Variants in ARMCX4 observed in about 807,000 individuals in gnomAD.
ARMCX4 encodes the protein armadillo repeat-containing X-linked protein 4.
In ARMCX4, 3 loss-of-function variants were observed where a neutral mutation model predicts 34.7. The ratio of observed to expected loss-of-function variants is 0.09; its 90% CI spans 0.04 to 0.22. The LOEUF (loss-of-function observed/expected upper bound fraction) is 0.22, where lower values mean the gene tolerates loss of function less well. Ranked by LOEUF, ARMCX4 falls within the 10% of genes least tolerant of loss-of-function variation. ARMCX4 has a pLI of 1.00. For synonymous variants in ARMCX4, 513 were observed against 632.8 expected, an observed-to-expected ratio of 0.81 and a Z score of 2.84; for missense variants, 1,448 against 1,720.8, an observed-to-expected ratio of 0.84 and a Z score of 2.81.
At position 101,487,687 on chromosome X, in the gene ARMCX4, G is replaced by T. The variant is rs1556007217; in HGVS notation, c.-207G>T. On this transcript the variant is annotated 5_prime_UTR_variant, in exon 4 of 6. Coordinates refer to ENST00000423738, the MANE Select transcript of ARMCX4 (RefSeq NM_001256155.3). ...GAGGAGATTGCTCCTGATCAGTATAGACTGGTAAGAGTGTGGGGACTGCCT... is the reference window on the plus strand; with the variant it reads ...GAGGAGATTGCTCCTGATCAGTATATACTGGTAAGAGTGTGGGGACTGCCT... The T allele has an allele frequency of 9.4e-6, 9 of 954,067 alleles. No individual in the cohort carries two copies. Among genetic ancestry groups the T allele is most frequent in the Non-Finnish European group, 1.2e-5 (9 of 740,230 alleles). The allele number at this position is 954,067 out of a possible 1,213,427, so 78.6% of individuals were successfully genotyped here.
At chrX:101,419,852 T>C (rs1929131727) in intron 2 of ARMCX4, among the ~76,000 whole-genome samples, 1 of 111,790 alleles carries the variant, frequency 8.9e-6, no homozygotes, top group African/African-American at 3.3e-5. Flanking sequence ...CTCACTCTGC[T>C]GCTTGACTGT....
In ARMCX4 at chrX:101,488,057, G is replaced by A. The variant is rs1399541849; in HGVS notation, c.-189G>A. On this transcript the variant is annotated 5_prime_UTR_variant, in exon 5 of 6. Coordinates refer to ENST00000423738, the MANE Select transcript of ARMCX4 (RefSeq NM_001256155.3). ...TATCTACTTTAGGGTGTACTGCCAA[G>A]AGAAGCAAGAGGAGAGGAGGGAACT... 6 of 947,544 alleles carry A rather than the reference G, an allele frequency of 6.3e-6. No individual in the cohort carries two copies. Among genetic ancestry groups the A allele is most frequent in the Non-Finnish European group, 6.8e-6 (5 of 733,573 alleles). The allele number at this position is 947,544 out of a possible 1,213,427, so 78.1% of individuals were successfully genotyped here.
At chrX:101,519,063 T>C (rs1652665469) in intron 11 of ARMCX4, among the ~76,000 whole-genome samples, 1 of 111,101 alleles carries the variant, frequency 9.0e-6, no homozygotes, top group Non-Finnish European at 1.9e-5. Flanking sequence ...AATAATAAAA[T>C]ATATATTAGG....
At chrX:101,441,430 A>G (rs1050721586) in intron 2 of ARMCX4, among the ~76,000 whole-genome samples, 1 of 110,997 alleles carries the variant, frequency 9.0e-6, no homozygotes, top group Admixed American at 9.6e-5. Context: ...CTTCACCTTG[A>G]AAAAGCCCTG....
At chrX:101,466,596 C>T (rs1359117808) in intron 4 of ARMCX4, among the ~76,000 whole-genome samples, 1 of 112,113 alleles carries the variant, frequency 8.9e-6, no homozygotes, top group Non-Finnish European at 1.9e-5. Context: ...AGCTCAAAAG[C>T]ACTATGTTAA....
At chrX:101,471,106 G>A (rs1932890799) in intron 4 of ARMCX4, among the ~76,000 whole-genome samples, 1 of 112,137 alleles carries the variant, frequency 8.9e-6, no homozygotes, top group Admixed American at 9.4e-5. Context: ...CCATTGCAAA[G>A]CATCCATTCA....
At chrX:101,424,969 T>C (rs891446938) in intron 2 of ARMCX4, among the ~76,000 whole-genome samples, 1 of 111,986 alleles carries the variant, frequency 8.9e-6, no homozygotes, top group African/African-American at 3.2e-5. Context: ...TTGTGTGCTA[T>C]ATGGATATAG....
At chrX:101,470,919 A>G (rs1214632781) in intron 4 of ARMCX4, among the ~76,000 whole-genome samples, 2 of 111,887 alleles carry the variant, frequency 1.8e-5, no homozygotes, top group African/African-American at 6.5e-5. Flanking sequence ...AAGTGGCTGT[A>G]CCATTTTACA....
chrX:101,468,865 G>T (rs1932841866), intron 4 of ARMCX4, among the ~76,000 whole-genome samples: 1 of 111,307 alleles, frequency 9.0e-6, no homozygotes, highest in Non-Finnish European at 1.9e-5. Context: ...ATAGGCTTCA[G>T]TTGGGGAAGA....
At chrX:101,513,583 A>T (rs2147704760) in intron 11 of ARMCX4, among the ~76,000 whole-genome samples, 1 of 112,336 alleles carries the variant, frequency 8.9e-6, no homozygotes, top group African/African-American at 3.2e-5. Flanking sequence ...TGCTATATAC[A>T]CACAAACAAA....
chrX:101,488,812 G>A lies in ARMCX4; in HGVS notation c.223G>A (p.Ala75Thr), dbSNP rs1556007639. The change falls in exon 6 of 6, where the codon GCA becomes ACA. Residue 75 changes from alanine (A) to threonine (T), a missense_variant. Around this residue, in one of 2 missense-constraint regions of ARMCX4, gnomAD observed 1,343 missense variants for 1,540.7 expected, o/e 0.87. Transcript: ENST00000423738. ...IKTKPQVEIG[A>T]ETGARSGPRA... is the part of the protein sequence containing the mutation. ...GACTAAACCCCAAGTCGAGATTGGA[G>A]CAGAAACTGGAGCAAGAAGTGGGCC... 1 of 1,156,408 alleles carries A rather than the reference G, an allele frequency of 8.6e-7. No homozygotes were observed.
chrX:101,432,862 GTA>G (rs35508562), intron 2 of ARMCX4, among the ~76,000 whole-genome samples: 4,331 of 80,530 alleles, frequency 0.054, 256 homozygotes, highest in Non-Finnish European at 0.077. Flanking sequence ...ATATATACAC[GTA>G]TATATACACA....
chrX:101,459,503 T>G (rs1182910416), intron 4 of ARMCX4, among the ~76,000 whole-genome samples: 2 of 111,676 alleles, frequency 1.8e-5, no homozygotes, highest in Non-Finnish European at 3.8e-5. Context: ...CTCTATGCAG[T>G]TTATATCAAA....
intron 2 of ARMCX4, among the ~76,000 whole-genome samples, chrX:101,441,287 T>C (rs782721884): frequency 1.8e-5 from 2 of 110,983 alleles, no homozygotes; most frequent in East Asian, 2.8e-4. Flanking sequence ...GTCTTAGAAG[T>C]TCACATAACT....
chrX:101,435,925 G>C (rs191109351), intron 2 of ARMCX4, among the ~76,000 whole-genome samples: 2,315 of 111,037 alleles, frequency 0.021, 39 homozygotes, highest in Admixed American at 0.033. Flanking sequence ...TCTTGTTTTT[G>C]TCAGGTTTGT....
At chrX:101,526,676 T>A (rs1450475924) in intron 11 of ARMCX4, among the ~76,000 whole-genome samples, 1 of 111,241 alleles carries the variant, frequency 9.0e-6, no homozygotes, top group Non-Finnish European at 1.9e-5. Context: ...AAAGCAGGGG[T>A]TGCAATCCTA....
intron 2 of ARMCX4, among the ~76,000 whole-genome samples, chrX:101,435,294 C>T (rs1555994179): frequency 8.9e-6 from 1 of 111,778 alleles, no homozygotes; most frequent in African/African-American, 3.3e-5. Context: ...TCCTCTCCAG[C>T]ACCTGTTGTT....
At chrX:101,530,405 G>C (rs1556021842) in intron 11 of ARMCX4, among the ~76,000 whole-genome samples, 1 of 111,218 alleles carries the variant, frequency 9.0e-6, no homozygotes, top group Non-Finnish European at 1.9e-5. Flanking sequence ...AATGGGTGCA[G>C]CAAACCAACA....
intron 2 of ARMCX4, among the ~76,000 whole-genome samples, chrX:101,437,777 G>T (rs1397357313): frequency 8.9e-6 from 1 of 111,775 alleles, no homozygotes; most frequent in African/African-American, 3.3e-5. Flanking sequence ...TCTCTTGTGG[G>T]AATTTCGTGC....
Sources: allele counts gnomAD v4.1 joint callset (sites outside exome capture counted in the v4.1 genomes callset), GRCh38; gene constraint gnomAD v4.1.1; regional missense constraint gnomAD v4.1.1; transcripts MANE v1.5; gene names NCBI Gene and HGNC (gene_info 2026-07-23, HGNC 2026-07-21).